Variants in STRIP2 observed in about 807,000 individuals in gnomAD.
The protein encoded by STRIP2 is striatin-interacting protein 2.
In STRIP2, 84 loss-of-function variants were observed where a neutral mutation model predicts 107.1. The observed-to-expected ratio is 0.78, with a 90% CI of 0.66 to 0.94. The LOEUF is 0.94. Among genes scored for constraint, STRIP2 ranks in the 40% least tolerant of loss-of-function variants. The pLI is 0.00. For synonymous variants in STRIP2, 394 were observed against 400.4 expected (o/e 0.98, Z 0.19); for missense variants, 888 against 1,034.2 (o/e 0.86, Z 1.94).
intron 16 of STRIP2, 66 bp downstream of exon 16, chr7:129,464,804 G>A: frequency 6.2e-7 from 1 of 1,600,268 alleles, no homozygotes; most frequent in South Asian, 1.1e-5. Context: ...CTCAAAGGAA[G>A]GATGCAAAGT....
At position 129,461,669 on chromosome 7, in the gene STRIP2, C is replaced by T. The variant is rs554762628; in HGVS notation, c.1476+1297C>T. 3.9e-5 allele frequency among the ~76,000 whole-genome samples: 6 copies of T among 152,196 alleles called. No individual in the cohort carries two copies. Among genetic ancestry groups the T allele is most frequent in the Admixed American group, 1.3e-4 (2 of 15,298 alleles). ...GATTTGGCAACATGAAGATAGTGACCTTGATAAGAACAACTCTAAGTGAAG... is the reference window on the plus strand; with the variant it reads ...GATTTGGCAACATGAAGATAGTGACTTTGATAAGAACAACTCTAAGTGAAG... On this transcript the variant is annotated intron_variant, in intron 13 of 20. Transcript: ENST00000249344. The surrounding 1 kb of genome is among the most constrained non-coding windows in gnomAD (Gnocchi z 4.0).
At chr7:129,482,644 C>T (rs1247855703) in intron 19 of STRIP2, among the ~76,000 whole-genome samples, 198 bp from the exon 20 acceptor site, 1 of 151,992 alleles carries the variant, frequency 6.6e-6, no homozygotes, top group African/African-American at 2.4e-5. Flanking sequence ...TCCCAAAGTG[C>T]TGGGATTACA....
At chr7:129,463,417 T>C (rs559330568) in intron 14 of STRIP2, among the ~76,000 whole-genome samples, 2 of 151,860 alleles carry the variant, frequency 1.3e-5, no homozygotes, top group East Asian at 1.9e-4. Context: ...GTGGGAGAAG[T>C]TGGGTTTATG....
At chr7:129,463,159 G>T in intron 14 of STRIP2, 119 bp downstream of exon 14, 1 of 775,166 alleles carries the variant, frequency 1.3e-6, no homozygotes, top group Non-Finnish European at 2.1e-6. Flanking sequence ...TGCCCCTTTG[G>T]CAAGGCATTC....
intron 16 of STRIP2, 60 bp downstream of exon 16, chr7:129,464,798 A>C: frequency 1.9e-6 from 3 of 1,606,658 alleles, no homozygotes; most frequent in Non-Finnish European, 8.5e-7. Context: ...CTATCTCTCA[A>C]AGGAAGGATG....
chr7:129,463,985 AT>A (rs879890082), intron 14 of STRIP2, 58 bp from the exon 15 acceptor site: 34 of 1,390,576 alleles, frequency 2.4e-5, no homozygotes, highest in Middle Eastern at 1.8e-4. Context: ...GTGTGGAAGA[AT>A]CACTTCCTTG....
At chr7:129,437,452 G>T (rs1300380022) in intron 1 of STRIP2, among the ~76,000 whole-genome samples, 2 of 149,636 alleles carry the variant, frequency 1.3e-5, no homozygotes, top group African/African-American at 2.4e-5. Context: ...AAAAAGAAAA[G>T]AAAGAGAATA....
At chr7:129,464,905 A>T (rs976863453) in intron 16 of STRIP2, among the ~76,000 whole-genome samples, 167 bp downstream of exon 16, 2 of 152,148 alleles carry the variant, frequency 1.3e-5, no homozygotes, top group Non-Finnish European at 2.9e-5. Flanking sequence ...AGGTAGGGTT[A>T]TGGAGTGGGA....
chr7:129,470,660 T>C lies in STRIP2; in HGVS notation c.1889T>C (p.Leu630Pro), dbSNP rs1798769137. 6.2e-7 allele frequency: 1 copy of C among 1,613,954 alleles called. No individual in the cohort carries two copies. The highest frequency in any genetic ancestry group is 1.3e-5 in the African/African-American group (1 of 75,064). Residue 630 changes from leucine to proline, a missense_variant, in exon 18 of 21, where the codon CTG (leucine) becomes CCG (proline). By Grantham distance (98) the Leu-to-Pro change is moderately conservative (BLOSUM62 -3). Transcript: ENST00000249344. ...YITAKNSISV[L>P]DYPCCTIQDL... ...TCTGCATCTTACAGCATCTCAGTCC[T>C]GGATTATCCTTGCTGTACCATCCAG... is the stretch of plus-strand genomic sequence containing the variant.
At chr7:129,449,485 G>A (rs1328237505) in intron 3 of STRIP2, among the ~76,000 whole-genome samples, 2 of 152,152 alleles carry the variant, frequency 1.3e-5, no homozygotes, top group African/African-American at 2.4e-5. Context: ...GCAGTGCAGG[G>A]TTTATCTCCT....
chr7:129,472,887 A>G (rs568885923), intron 18 of STRIP2, among the ~76,000 whole-genome samples: 2 of 141,858 alleles, frequency 1.4e-5, no homozygotes, highest in East Asian at 4.2e-4. Context: ...CGTGAGTCCA[A>G]GTGATTTTCC....
At position 129,464,151 on chromosome 7, in the gene STRIP2, T is replaced by G; in HGVS notation, c.1649+10T>G. The stretch of plus-strand genomic sequence containing the variant: ...TACCTGAGGAGATGCCGTGAGTGCT[T>G]CAACGGGGGCAGCTGCTGGATACTA... On this transcript the variant is annotated intron_variant, in intron 15 of 20. Transcript: ENST00000249344. 1.9e-6 allele frequency: 3 copies of G among 1,599,618 alleles called. No homozygotes were observed. Among genetic ancestry groups the G allele is most frequent in the Middle Eastern group, 2.0e-4 (1 of 4,966 alleles).
rs201907493 is a variant in STRIP2, at chr7:129,458,667, C to T, written c.1275-45C>T. On this transcript the variant is annotated intron_variant, in intron 10 of 20. Coordinates refer to ENST00000249344, the MANE Select transcript of STRIP2 (RefSeq NM_020704.3). This position sits in a 1 kb window ranked among gnomAD's most constrained non-coding sequence, Gnocchi z 4.6. ...GAAAGTTTTTCTCTCTCAAAGTTTG[C>T]TTTTCTTCCCTTCTCTGGGATTGGT... 173 of 1,610,656 alleles carry T rather than the reference C, an allele frequency of 1.1e-4. 1 individual carries two copies. In the East Asian group the frequency reaches 3.8e-3, roughly 35 times the overall value.
chr7:129,458,186 A>G lies in STRIP2; in HGVS notation c.1039-29A>G. ...AGGATGCCCAGAGTGAGATCTCTGC[A>G]TGCCTACCCTCCCTTCTTTCCCCTC... On this transcript the variant is annotated intron_variant, in intron 9 of 20. Coordinates refer to ENST00000249344, the MANE Select transcript of STRIP2 (RefSeq NM_020704.3). The surrounding 1 kb of genome is among the most constrained non-coding windows in gnomAD (Gnocchi z 4.6). 1 of 1,581,258 alleles carries G rather than the reference A, an allele frequency of 6.3e-7. No homozygotes were observed. Among genetic ancestry groups the G allele is most frequent in the Non-Finnish European group, 8.7e-7 (1 of 1,151,336 alleles).
rs376301841 is a variant in STRIP2, at chr7:129,456,489, G to A, written c.885G>A (p.Arg295=). Residue 295 remains arginine, a synonymous_variant, in exon 9 of 21, where the codon CGG becomes CGA. Coordinates refer to ENST00000249344, the MANE Select transcript of STRIP2 (RefSeq NM_020704.3). ...EHLQTLKVQK[R]AELGLPPLAE... ...TGCAGACTCTCAAAGTACAGAAGCG[G>A]GCAGAATTGGGCCTGCCTCCACTGG... 6 of 1,613,866 alleles carry A rather than the reference G, an allele frequency of 3.7e-6. No homozygotes were observed. Among genetic ancestry groups the A allele is most frequent in the African/African-American group, 1.3e-5 (1 of 74,864 alleles).
intron 20 of STRIP2, 128 bp from the exon 21 acceptor site, chr7:129,485,450 CT>C: frequency 1.1e-6 from 1 of 898,154 alleles, no homozygotes; most frequent in South Asian, 1.9e-5. Flanking sequence ...ATACATTGCT[CT>C]TTACAAAAAA....
At chr7:129,436,086 C>G (rs1231014779) in intron 1 of STRIP2, among the ~76,000 whole-genome samples, 1 of 152,044 alleles carries the variant, frequency 6.6e-6, no homozygotes, top group African/African-American at 2.4e-5. Flanking sequence ...TTTAGGGCAC[C>G]CTGTACCTCC....
intron 2 of STRIP2, 138 bp from the exon 3 acceptor site, chr7:129,443,886 A>C (rs1253220223): frequency 5.8e-6 from 4 of 695,336 alleles, no homozygotes; most frequent in Non-Finnish European, 1.0e-5. Context: ...CGTTGCTCTG[A>C]AAAGGAGGAA....
At chr7:129,476,533 C>G (rs576104986) in intron 18 of STRIP2, among the ~76,000 whole-genome samples, 3 of 151,352 alleles carry the variant, frequency 2.0e-5, no homozygotes, top group African/African-American at 7.3e-5. Context: ...CCTCAGCTCC[C>G]AGACAGGGTC....
Sources: allele counts gnomAD v4.1 joint callset (sites outside exome capture counted in the v4.1 genomes callset), GRCh38; gene constraint gnomAD v4.1.1; non-coding constraint Gnocchi (gnomAD v3.1); transcripts MANE v1.5; gene names NCBI Gene and HGNC (gene_info 2026-07-23, HGNC 2026-07-21).